The following NRG1 variants were observed in gnomAD, a reference collection of about 807,000 sequenced individuals.
NRG1 encodes the protein pro-neuregulin-1, membrane-bound isoform.
In NRG1, 18 loss-of-function variants were observed where a neutral mutation model predicts 63.8. The observed-to-expected ratio is 0.28, with a 90% CI of 0.19 to 0.42. NRG1 has a LOEUF of 0.42. NRG1 is among the 10% of genes least tolerant of loss of function. The pLI is 1.00. For synonymous variants in NRG1, 302 were observed against 301.3 expected, an observed-to-expected ratio of 1.00 and a Z score of -0.02; for missense variants, 762 against 814.7, an observed-to-expected ratio of 0.94 and a Z score of 0.79.
intron 2 of NRG1, among the ~76,000 whole-genome samples, chr8:32,604,887 AG>A: frequency 6.7e-6 from 1 of 149,428 alleles, no homozygotes; most frequent in Admixed American, 6.7e-5. Flanking sequence ...AAAAAAAAAA[AG>A]TGAATGTTGA....
intron 1 of NRG1, among the ~76,000 whole-genome samples, chr8:32,276,500 A>AT (rs1276038886): frequency 6.6e-5 from 10 of 151,990 alleles, no homozygotes; most frequent in Non-Finnish European, 1.3e-4. Context: ...TGAAGTGGAA[A>AT]TTTTTTGAGG....
exon 11 of NRG1, chr8:32,760,286 G>A: frequency 6.2e-7 from 1 of 1,614,106 alleles, no homozygotes; most frequent in East Asian, 2.2e-5. Context: ...AGGCACAGCA[G>A]CCCAACTGGG....
chr8:32,525,360 A>G (rs1300007583), intron 1 of NRG1, among the ~76,000 whole-genome samples: 1 of 151,202 alleles, frequency 6.6e-6, no homozygotes, highest in African/African-American at 2.4e-5. Context: ...TTTTCTAGAC[A>G]AGATTATTCT....
chr8:32,183,721 TG>T, intron 1 of NRG1, among the ~76,000 whole-genome samples: 1 of 152,230 alleles, frequency 6.6e-6, no homozygotes, highest in Admixed American at 6.5e-5. Flanking sequence ...GGGATAGGAG[TG>T]CCCATCCTAC....
intron 1 of NRG1, among the ~76,000 whole-genome samples, chr8:32,455,023 G>A (rs775491163): frequency 6.6e-5 from 10 of 152,144 alleles, no homozygotes; most frequent in Non-Finnish European, 7.3e-5. Flanking sequence ...GCCTAGGAAC[G>A]ATAGGTTATA....
downstream of NRG1, among the ~76,000 whole-genome samples, chr8:32,769,808 G>A (rs1005359387): frequency 6.6e-6 from 1 of 152,086 alleles, no homozygotes; most frequent in Non-Finnish European, 1.5e-5. Context: ...CTCCCCTGCA[G>A]GTATCTTTAG....
chr8:32,680,422 A>G (rs1808296244), intron 5 of NRG1, among the ~76,000 whole-genome samples: 3 of 152,304 alleles, frequency 2.0e-5, no homozygotes, highest in East Asian at 1.9e-4. Context: ...TTACTGCACA[A>G]TTAATTATAG....
intron 3 of NRG1, among the ~76,000 whole-genome samples, chr8:32,608,149 C>T (rs1245616405): frequency 1.4e-5 from 2 of 139,186 alleles, no homozygotes; most frequent in African/African-American, 5.4e-5. Flanking sequence ...AGTGCAGTTC[C>T]ATCTGTATCT....
chr8:32,206,808 C>T (rs1844114121), intron 1 of NRG1, among the ~76,000 whole-genome samples: 1 of 152,206 alleles, frequency 6.6e-6, no homozygotes, highest in Non-Finnish European at 1.5e-5. Flanking sequence ...CCTTCTGAGT[C>T]TCCAGTGTCT....
At chr8:32,569,424 C>T (rs1838092123) in intron 1 of NRG1, among the ~76,000 whole-genome samples, 1 of 152,156 alleles carries the variant, frequency 6.6e-6, no homozygotes, top group Admixed American at 6.5e-5. Context: ...TGATGGTTCA[C>T]TTTAGTGATA....
At chr8:31,805,827 C>CAAAAAAAAA (rs58107730) in intron 1 of NRG1, among the ~76,000 whole-genome samples, 1 of 105,328 alleles carries the variant, frequency 9.5e-6, no homozygotes. Flanking sequence ...GACTCCGTCT[C>CAAAAAAAAA]AAAAAAAAAA....
intron 1 of NRG1, among the ~76,000 whole-genome samples, chr8:32,536,052 T>G (rs1831933809): frequency 6.6e-6 from 1 of 152,270 alleles, no homozygotes; most frequent in African/African-American, 2.4e-5. Flanking sequence ...AATTGCCATG[T>G]AACACATTGC....
intron 5 of NRG1, among the ~76,000 whole-genome samples, chr8:32,725,947 C>A (rs917944632): frequency 6.6e-6 from 1 of 152,002 alleles, no homozygotes; most frequent in South Asian, 2.1e-4. Flanking sequence ...ATCATGTTTC[C>A]CCTCTTCTTA....
At chr8:32,436,802 TA>T (rs1347207400) in intron 1 of NRG1, among the ~76,000 whole-genome samples, 1 of 152,140 alleles carries the variant, frequency 6.6e-6, no homozygotes, top group African/African-American at 2.4e-5. Flanking sequence ...CTTCATAGTA[TA>T]AAAAATGGTT....
chr8:32,760,903 T>TG (rs955352333), intron 11 of NRG1: 14 of 993,608 alleles, frequency 1.4e-5, no homozygotes, highest in African/African-American at 5.2e-5. Context: ...CTGAATGTCA[T>TG]GGGGGGCAAC....
At position 32,367,213 on chromosome 8, in the gene NRG1, A is replaced by C. The variant is rs540858425; in HGVS notation, c.38-228615A>C. Among the ~76,000 whole-genome samples, 10 of 152,264 alleles carry C rather than the reference A, an allele frequency of 6.6e-5. No individual in the cohort carries two copies. In the South Asian group the frequency reaches 2.1e-3, roughly 32 times the overall value. On this transcript the variant is annotated intron_variant, in intron 1 of 10. Coordinates refer to the NRG1 transcript ENST00000519301. The stretch of plus-strand genomic sequence containing the variant: ...CTTTTAGTTTTTTGAGAAACCTCCG[A>C]ACTATTTTCTACAGTGGTTGTACTA...
At chr8:32,643,676 A>G (rs1276384102) in intron 5 of NRG1, among the ~76,000 whole-genome samples, 1 of 152,194 alleles carries the variant, frequency 6.6e-6, no homozygotes, top group Non-Finnish European at 1.5e-5. Context: ...CATAACTGAA[A>G]TCGCTTCCCA....
At chr8:32,271,631 A>AC (rs1199468450) in intron 1 of NRG1, among the ~76,000 whole-genome samples, 6 of 151,852 alleles carry the variant, frequency 4.0e-5, no homozygotes, top group African/African-American at 1.2e-4. Flanking sequence ...AACCTGGTGA[A>AC]CCCCCCACAC....
At chr8:32,212,209 G>A (rs1040984535) in intron 1 of NRG1, among the ~76,000 whole-genome samples, 6 of 152,086 alleles carry the variant, frequency 3.9e-5, no homozygotes, top group African/African-American at 7.2e-5. Flanking sequence ...TAAAATAGGG[G>A]CAGGGGAGAA....
Sources: gnomAD v4.1 joint callset for allele counts (sites outside exome capture counted in the v4.1 genomes callset) on GRCh38, gnomAD v4.1.1 for gene constraint, MANE v1.5 for transcripts, NCBI Gene and HGNC (gene_info 2026-07-23, HGNC 2026-07-21) for gene names.